LRP1B: variants seen among roughly 807,000 people sequenced by gnomAD.
The protein encoded by LRP1B is low-density lipoprotein receptor-related protein 1B.
In LRP1B, 217 loss-of-function variants were observed where a neutral mutation model predicts 556.6. The ratio of observed to expected loss-of-function variants is 0.39; its 90% CI spans 0.35 to 0.44. The LOEUF is 0.44. Ranked by LOEUF, LRP1B falls within the 20% of genes least tolerant of loss-of-function variation. The pLI is 1.00. For synonymous variants in LRP1B, 2,047 were observed against 1,865.8 expected, an observed-to-expected ratio of 1.10 and a Z score of -2.50; for missense variants, 5,053 against 5,620.8, an observed-to-expected ratio of 0.90 and a Z score of 3.23.
chr2:141,188,043 A>C (rs1311744654), intron 7 of LRP1B, among the ~76,000 whole-genome samples: 1 of 152,072 alleles, frequency 6.6e-6, no homozygotes, highest in Admixed American at 6.6e-5. Flanking sequence ...TCAACAGTAC[A>C]TCCTTCAAGT....
chr2:141,729,430 AT>A, intron 2 of LRP1B, among the ~76,000 whole-genome samples: 1 of 152,232 alleles, frequency 6.6e-6, no homozygotes, highest in South Asian at 2.1e-4. Context: ...AGATTATCAC[AT>A]TTTACCAAGG....
In LRP1B at chr2:140,607,602, A is replaced by T. The variant is rs10153880; in HGVS notation, c.6800-5963T>A. On this transcript the variant is annotated intron_variant, in intron 41 of 90. Coordinates refer to ENST00000389484, the MANE Select transcript of LRP1B (RefSeq NM_018557.3). Reference sequence around the variant, plus strand: ...TTCAACAATATAAAAACTGAAGCACACATATATGCTAAACTCGACCCCCTC... The same window carrying T: ...TTCAACAATATAAAAACTGAAGCACTCATATATGCTAAACTCGACCCCCTC... 4.0e-5 allele frequency among the ~76,000 whole-genome samples: 6 copies of T among 151,236 alleles called. No homozygotes were observed. The East Asian group carries it at 1.2e-3, about 29-fold the overall frequency.
chr2:141,917,422 C>G (rs1322335986), intron 1 of LRP1B, among the ~76,000 whole-genome samples: 1 of 152,136 alleles, frequency 6.6e-6, no homozygotes, highest in East Asian at 1.9e-4. Context: ...CATTGAGCTA[C>G]TGTAATGAGC....
chr2:141,990,009 C>G (rs1702301986), intron 1 of LRP1B, among the ~76,000 whole-genome samples: 1 of 152,076 alleles, frequency 6.6e-6, no homozygotes, highest in Admixed American at 6.6e-5. Context: ...ATGGAATACA[C>G]ACTATTGATT....
chr2:140,734,764 G>A (rs945244555), intron 35 of LRP1B, among the ~76,000 whole-genome samples: 1 of 128,386 alleles, frequency 7.8e-6, no homozygotes, highest in Non-Finnish European at 1.7e-5. Context: ...ACTAACGGAG[G>A]CCCTTTCCTG....
chr2:140,472,390 T>C (rs1344067417), intron 60 of LRP1B, among the ~76,000 whole-genome samples: 6 of 152,096 alleles, frequency 3.9e-5, no homozygotes, highest in African/African-American at 1.2e-4. Flanking sequence ...TATGTTACTA[T>C]GGTGAATAAC....
intron 3 of LRP1B, among the ~76,000 whole-genome samples, chr2:141,403,121 T>C (rs543538026): frequency 2.0e-5 from 3 of 152,194 alleles, no homozygotes; most frequent in African/African-American, 7.2e-5. Context: ...GTAAAAAGTT[T>C]CAAGGCCCAC....
chr2:141,196,802 G>A (rs540751023), intron 6 of LRP1B, among the ~76,000 whole-genome samples: 5 of 152,054 alleles, frequency 3.3e-5, no homozygotes, highest in East Asian at 1.9e-4. Context: ...TTACTCCTTC[G>A]CCATGGTTTG....
At chr2:141,362,867 A>G (rs535532590) in intron 3 of LRP1B, among the ~76,000 whole-genome samples, 2 of 152,132 alleles carry the variant, frequency 1.3e-5, no homozygotes, top group East Asian at 3.9e-4. Context: ...CTTGGTATGT[A>G]TTTAATGGAA....
At chr2:140,525,163 A>G (rs1690375588) in intron 49 of LRP1B, among the ~76,000 whole-genome samples, 1 of 151,874 alleles carries the variant, frequency 6.6e-6, no homozygotes, top group Non-Finnish European at 1.5e-5. Context: ...GGAGAGAGGC[A>G]AACCAATATG....
At chr2:141,701,618 G>A (rs1691942418) in intron 2 of LRP1B, among the ~76,000 whole-genome samples, 1 of 151,626 alleles carries the variant, frequency 6.6e-6, no homozygotes, top group South Asian at 2.1e-4. Flanking sequence ...GGATTATGTG[G>A]GCTAATTGAG....
At chr2:140,272,220 T>A (rs987332622) in intron 85 of LRP1B, among the ~76,000 whole-genome samples, 5 of 150,556 alleles carry the variant, frequency 3.3e-5, no homozygotes, top group African/African-American at 1.2e-4. Flanking sequence ...TTTTCATAAT[T>A]TTCTTTTTTA....
intron 18 of LRP1B, among the ~76,000 whole-genome samples, chr2:140,965,789 G>C (rs1696193417): frequency 7.8e-6 from 1 of 128,096 alleles, no homozygotes; most frequent in African/African-American, 2.9e-5. Flanking sequence ...TCCCACCTGA[G>C]TGAGAACATG....
intron 10 of LRP1B, among the ~76,000 whole-genome samples, chr2:141,050,869 T>C (rs1188822500): frequency 1.3e-5 from 2 of 152,084 alleles, no homozygotes; most frequent in African/African-American, 4.8e-5. Context: ...GAGAACATTT[T>C]CGCAATCTAC....
intron 2 of LRP1B, among the ~76,000 whole-genome samples, chr2:141,594,955 T>C (rs1336294510): frequency 6.6e-6 from 1 of 152,096 alleles, no homozygotes; most frequent in Non-Finnish European, 1.5e-5. Context: ...GACCTTCTTT[T>C]TAACTTGTAA....
In LRP1B at chr2:141,703,150, T is replaced by C. The variant is rs966856364; in HGVS notation, c.205+107129A>G. ...ATATGATTTTCAGTAAAAGTCATTT[T>C]TGCATTCATGGTTTTAAATATTAGA... On this transcript the variant is annotated intron_variant, in intron 2 of 90. Coordinates refer to ENST00000389484, the MANE Select transcript of LRP1B (RefSeq NM_018557.3). Among the ~76,000 whole-genome samples the C allele has an allele frequency of 2.0e-5, 3 of 151,974 alleles. No homozygotes were observed. In the South Asian group the frequency reaches 6.2e-4, roughly 31 times the overall value.
chr2:140,525,714 G>T, intron 49 of LRP1B, 130 bp downstream of exon 49: 1 of 761,648 alleles, frequency 1.3e-6, no homozygotes, highest in Non-Finnish European at 2.1e-6. Context: ...TTACATTTCA[G>T]TCTGTGCCAT....
At chr2:140,588,531 A>G (rs1391616073) in intron 43 of LRP1B, among the ~76,000 whole-genome samples, 1 of 152,266 alleles carries the variant, frequency 6.6e-6, no homozygotes, top group Non-Finnish European at 1.5e-5. Context: ...TAACTAAAAT[A>G]ACTTTGAAAA....
At chr2:141,596,029 C>T (rs1457873320) in intron 2 of LRP1B, among the ~76,000 whole-genome samples, 1 of 151,712 alleles carries the variant, frequency 6.6e-6, no homozygotes, top group Non-Finnish European at 1.5e-5. Context: ...GTACATATAC[C>T]ATTATAAAAT....
Sources: allele counts gnomAD v4.1 joint callset (sites outside exome capture counted in the v4.1 genomes callset), GRCh38; gene constraint gnomAD v4.1.1; transcripts MANE v1.5; gene names NCBI Gene and HGNC (gene_info 2026-07-23, HGNC 2026-07-21).